BCAS3: variants seen among roughly 807,000 people sequenced by gnomAD.
The protein encoded by BCAS3 is BCAS3 microtubule associated cell migration factor.
A neutral mutation model predicts 116.1 loss-of-function variants in BCAS3; 53 were observed. The observed-to-expected ratio is 0.46, with a 90% CI of 0.37 to 0.57. The LOEUF is 0.57. BCAS3 is among the 20% of genes least tolerant of loss of function. The pLI, the probability that BCAS3 is intolerant of heterozygous loss-of-function variation, is 0.00. For synonymous variants in BCAS3, 391 were observed against 408.2 expected, an observed-to-expected ratio of 0.96 and a Z score of 0.51; for missense variants, 917 against 1,165.4, an observed-to-expected ratio of 0.79 and a Z score of 3.10.
intron 5 of BCAS3, among the ~76,000 whole-genome samples, chr17:60,741,711 A>C (rs1268423086): frequency 6.6e-6 from 1 of 152,200 alleles, no homozygotes; most frequent in African/African-American, 2.4e-5. Context: ...GGCTGACACT[A>C]AATATTGGCT....
intron 23 of BCAS3, among the ~76,000 whole-genome samples, chr17:61,386,803 T>G (rs59467948): frequency 0.059 from 8,695 of 148,094 alleles, 712 homozygotes; most frequent in African/African-American, 0.19. Context: ...TTTGTTTTTT[T>G]TTTTTTTTTT....
At chr17:61,295,115 C>T (rs1398961642) in intron 22 of BCAS3, among the ~76,000 whole-genome samples, 4 of 152,200 alleles carry the variant, frequency 2.6e-5, no homozygotes, top group Admixed American at 2.6e-4. Context: ...TGGAGATGTG[C>T]TGTCCCGAGG....
intron 13 of BCAS3, among the ~76,000 whole-genome samples, chr17:60,927,633 A>G (rs1311080903): frequency 6.6e-6 from 1 of 152,164 alleles, no homozygotes; most frequent in Non-Finnish European, 1.5e-5. Context: ...GAAATGGTTC[A>G]TGGTGTATAG....
intron 22 of BCAS3, among the ~76,000 whole-genome samples, chr17:61,247,055 A>T (rs565417662): frequency 6.6e-6 from 1 of 152,132 alleles, no homozygotes; most frequent in African/African-American, 2.4e-5. Flanking sequence ...TTTTTTAAGT[A>T]CAGTGTATAT....
Position 61,204,867 on chromosome 17 carries a change from C to A in BCAS3, c.2425+120303C>A, listed in dbSNP as rs1460565562. ...AGGAGTTCGAGACCAGCCTGGGCAA[C>A]AGGGCAAAACACCTTCTCAACAAAA... On this transcript the variant is annotated intron_variant, in intron 22 of 23. Transcript: ENST00000407086. This position sits in a 1 kb window ranked among gnomAD's most constrained non-coding sequence, Gnocchi z 4.2. Among the ~76,000 whole-genome samples the A allele has an allele frequency of 6.6e-6, 1 of 152,100 alleles. No homozygotes were observed. The highest frequency in any genetic ancestry group is 1.5e-5 in the Non-Finnish European group (1 of 68,030).
At chr17:60,867,627 G>A (rs1183101574) in intron 7 of BCAS3, among the ~76,000 whole-genome samples, 1 of 152,056 alleles carries the variant, frequency 6.6e-6, no homozygotes, top group African/African-American at 2.4e-5. Flanking sequence ...TATTCTAACA[G>A]TTGGTCTTTA....
chr17:61,175,893 T>C (rs184662413), intron 22 of BCAS3, among the ~76,000 whole-genome samples: 3 of 152,202 alleles, frequency 2.0e-5, no homozygotes, highest in Admixed American at 6.5e-5. Context: ...TCTAGCACTT[T>C]GGGAGACTGA....
chr17:61,388,025 A>T lies in BCAS3; in HGVS notation c.2594-3952A>T, dbSNP rs566275705. On this transcript the variant is annotated intron_variant, in intron 23 of 23. Transcript: ENST00000407086. The surrounding 1 kb of genome is among the most constrained non-coding windows in gnomAD (Gnocchi z 6.5). ...AGAATCTCCACACCTCTAAGGGGGGAGGTGGCTGGGGACACTTCCCTCATT... is the reference window on the plus strand; with the variant it reads ...AGAATCTCCACACCTCTAAGGGGGGTGGTGGCTGGGGACACTTCCCTCATT... Among the ~76,000 whole-genome samples, 41 of 151,924 alleles carry T rather than the reference A, an allele frequency of 2.7e-4. No individual in the cohort carries two copies. Among genetic ancestry groups the T allele is most frequent in the African/African-American group, 8.9e-4 (37 of 41,434 alleles).
chr17:60,713,617 T>C (rs981940319), intron 5 of BCAS3, among the ~76,000 whole-genome samples: 3 of 152,358 alleles, frequency 2.0e-5, no homozygotes, highest in East Asian at 1.9e-4. Context: ...AACAATGCAG[T>C]ATAACAATTA....
At chr17:61,350,926 G>T (rs1282141269) in intron 22 of BCAS3, among the ~76,000 whole-genome samples, 1 of 152,102 alleles carries the variant, frequency 6.6e-6, no homozygotes, top group Non-Finnish European at 1.5e-5. Context: ...GAGCCACCAT[G>T]CCCAGCCTTC....
chr17:61,172,082 A>T (rs1287161016), intron 22 of BCAS3, among the ~76,000 whole-genome samples: 2 of 152,248 alleles, frequency 1.3e-5, no homozygotes, highest in Non-Finnish European at 2.9e-5. Flanking sequence ...TGTTTGCCTC[A>T]TTACAGAGCT....
chr17:61,110,715 G>A (rs1161922241), intron 22 of BCAS3, among the ~76,000 whole-genome samples: 2 of 152,152 alleles, frequency 1.3e-5, no homozygotes, highest in African/African-American at 2.4e-5. Context: ...AAGCAGCCGG[G>A]AAGCTCCAAC....
chr17:61,230,053 A>G lies in BCAS3; in HGVS notation c.2426-138274A>G, dbSNP rs560592151. ...GCCAGGAGAATTGGTTGAACCCAGG[A>G]GGCCGAGGTTGCAGTGAGCTGAGAT... On this transcript the variant is annotated intron_variant, in intron 22 of 23. Transcript: ENST00000407086. Among the ~76,000 whole-genome samples the G allele has an allele frequency of 2.6e-5, 4 of 152,174 alleles. No individual in the cohort carries two copies. The East Asian group carries it at 7.8e-4, about 30-fold the overall frequency.
At chr17:61,046,913 A>T (rs528178273) in intron 19 of BCAS3, among the ~76,000 whole-genome samples, 79 of 152,076 alleles carry the variant, frequency 5.2e-4, no homozygotes, top group Middle Eastern at 3.4e-3. Flanking sequence ...GTGAGAAGAG[A>T]GTAGGAGAGC....
chr17:61,025,466 A>G (rs146019672), intron 16 of BCAS3, among the ~76,000 whole-genome samples: 68 of 152,218 alleles, frequency 4.5e-4, no homozygotes, highest in Non-Finnish European at 9.3e-4. Flanking sequence ...TGTTTATAAA[A>G]CATTGAAATA....
At chr17:60,991,211 T>C (rs1001762898) in intron 15 of BCAS3, among the ~76,000 whole-genome samples, 1 of 152,236 alleles carries the variant, frequency 6.6e-6, no homozygotes, top group African/African-American at 2.4e-5. Flanking sequence ...TTGTAGAGTA[T>C]GTATATTTTG....
chr17:61,135,253 G>C (rs568951920), intron 22 of BCAS3, among the ~76,000 whole-genome samples: 14 of 152,252 alleles, frequency 9.2e-5, no homozygotes, highest in Admixed American at 2.6e-4. Context: ...GACATATTCT[G>C]TTAGTACTAG....
chr17:61,327,772 A>C lies in BCAS3; in HGVS notation c.2426-40555A>C, dbSNP rs111897219. On this transcript the variant is annotated intron_variant, in intron 22 of 23. Transcript: ENST00000407086. The surrounding 1 kb of genome is among the most constrained non-coding windows in gnomAD (Gnocchi z 5.9). ...TGGTCCAGCTGCCTCAGCCTCCCAA[A>C]GTGGTGGAATTACAGGCATGAGCCA... Among the ~76,000 whole-genome samples the C allele has an allele frequency of 0.048, 7,307 of 152,238 alleles. 279 individuals are homozygous for C. The highest frequency in any genetic ancestry group is 0.074 in the Non-Finnish European group (5,000 of 67,998).
intron 7 of BCAS3, among the ~76,000 whole-genome samples, chr17:60,829,633 G>T (rs2050740777): frequency 6.6e-6 from 1 of 152,106 alleles, no homozygotes; most frequent in Admixed American, 6.6e-5. Flanking sequence ...ATTGCTTTTG[G>T]TGTACATTTC....
Sources: gnomAD v4.1 joint callset for allele counts (sites outside exome capture counted in the v4.1 genomes callset) on GRCh38, gnomAD v4.1.1 for gene constraint, Gnocchi (gnomAD v3.1) non-coding constraint, MANE v1.5 for transcripts, NCBI Gene and HGNC (gene_info 2026-07-23, HGNC 2026-07-21) for gene names.